MAPK7: variants seen among roughly 807,000 people sequenced by gnomAD.
MAPK7 encodes mitogen-activated protein kinase 7.
A neutral mutation model predicts 56.9 loss-of-function variants in MAPK7; 30 were observed. The observed-to-expected ratio is 0.53, with a 90% CI of 0.39 to 0.72. The LOEUF is 0.72. Among genes scored for constraint, MAPK7 ranks in the 30% least tolerant of loss-of-function variants. The probability of loss-of-function intolerance (pLI) is 0.00; values close to 1 mark genes in which losing one functional copy is unlikely to be tolerated. For synonymous variants in MAPK7, 516 were observed against 449.3 expected (o/e 1.15, Z -1.88); for missense variants, 952 against 1,110.8 (o/e 0.86, Z 2.03).
In MAPK7 at chr17:19,379,121, G is replaced by A. The variant is rs1388005122; in HGVS notation, c.221G>A (p.Arg74His). The A allele has an allele frequency of 9.3e-6, 15 of 1,612,430 alleles. No individual in the cohort carries two copies. Among genetic ancestry groups the A allele is most frequent in the Non-Finnish European group, 1.3e-5 (15 of 1,179,678 alleles). The change falls in exon 2 of 7, where the codon CGC becomes CAC. Residue 74 changes from arginine to histidine, a missense_variant. Arg to His is a conservative substitution (Grantham distance 29, BLOSUM62 0). Coordinates refer to ENST00000395604, the MANE Select transcript of MAPK7 (RefSeq NM_002749.4). The part of the protein sequence containing the change: ...GAYGVVSSAR[R>H]RLTGQQVAIK... ...TATGGAGTGGTGTCCTCCGCCCGCCGCCGCCTCACCGGTGAGCTTCCTGAG... is the reference window on the plus strand; with the variant it reads ...TATGGAGTGGTGTCCTCCGCCCGCCACCGCCTCACCGGTGAGCTTCCTGAG...
Position 19,381,490 on chromosome 17 carries a change from G to A in MAPK7, c.1281G>A (p.Gly427=). 1.2e-6 allele frequency: 2 copies of A among 1,613,956 alleles called. No homozygotes were observed. The highest frequency in any genetic ancestry group is 2.2e-5 in the South Asian group (2 of 91,070). Residue 427 remains glycine, a synonymous_variant, in exon 4 of 7, where the codon GGG becomes GGA. Coordinates refer to ENST00000395604, the MANE Select transcript of MAPK7 (RefSeq NM_002749.4). This position sits in a 1 kb window ranked among gnomAD's most constrained non-coding sequence, Gnocchi z 4.6. ...TGCCCAGTCCCTGGGCTCCCAGTGG[G>A]GACTGTGCCATGGAGTCTCCACCAC... ...VEMPSPWAPS[G]DCAMESPPPA...
At chr17:19,379,368 G>A (rs144978311) in intron 2 of MAPK7, 2 of 589,768 alleles carry the variant, frequency 3.4e-6, no homozygotes, top group African/African-American at 3.7e-5. Flanking sequence ...GATAGTCCCA[G>A]TTAGACCAGA....
chr17:19,380,582 G>A, intron 3 of MAPK7, 26 bp from the exon 4 acceptor site: 2 of 1,570,078 alleles, frequency 1.3e-6, no homozygotes, highest in South Asian at 2.4e-5. Flanking sequence ...GCCAACCCAT[G>A]CTTCTCTCCT....
At position 19,381,405 on chromosome 17, in the gene MAPK7, T is replaced by A. The variant is rs1456499023; in HGVS notation, c.1196T>A (p.Ile399Asn). Residue 399 changes from isoleucine to asparagine, a missense_variant, in exon 4 of 7, where the codon ATC (isoleucine) becomes AAC (asparagine). Coordinates refer to ENST00000395604, the MANE Select transcript of MAPK7 (RefSeq NM_002749.4). The surrounding 1 kb of genome is among the most constrained non-coding windows in gnomAD (Gnocchi z 4.6). ...HARREGIRQQIRFQPSLQPVA... is the reference protein window; with the variant it reads ...HARREGIRQQNRFQPSLQPVA... ...AGGCGTGAGGGCATCCGCCAACAGATCCGCTTCCAGCCTTCTCTACAGCCT... is the reference window on the plus strand; with the variant it reads ...AGGCGTGAGGGCATCCGCCAACAGAACCGCTTCCAGCCTTCTCTACAGCCT... The A allele has an allele frequency of 6.2e-7, 1 of 1,614,160 alleles. No individual in the cohort carries two copies. The highest frequency in any genetic ancestry group is 1.1e-5 in the South Asian group (1 of 91,090).
rs1229453992 is a variant in MAPK7 at position 19,379,071 on chromosome 17, C to T, written c.171C>T (p.Ile57=). 3 of 1,614,126 alleles carry T rather than the reference C, an allele frequency of 1.9e-6. No homozygotes were observed. Among genetic ancestry groups the T allele is most frequent in the South Asian group, 1.1e-5 (1 of 91,080 alleles). The change falls in exon 2 of 7, where the codon ATC becomes ATT. Residue 57 remains isoleucine (I), a synonymous_variant. Transcript: ENST00000395604. The stretch of plus-strand genomic sequence containing the variant: ...TTGACGTGGGCGACGAGTACGAGAT[C>T]ATCGAGACCATAGGCAACGGGGCCT... ...VTFDVGDEYE[I]IETIGNGAYG... is the part of the protein sequence containing the mutation.
intron 3 of MAPK7, chr17:19,380,208 T>TA: frequency 3.7e-6 from 2 of 536,130 alleles, no homozygotes; most frequent in Non-Finnish European, 3.3e-6. Context: ...CACACCCTCC[T>TA]ATTCCCATAG....
rs1024668610 is a variant in MAPK7, at chr17:19,383,140, T to C, written c.2360T>C (p.Met787Thr). 2 of 1,614,086 alleles carry C rather than the reference T, an allele frequency of 1.2e-6. No individual in the cohort carries two copies. The highest frequency in any genetic ancestry group is 2.7e-5 in the African/African-American group (2 of 75,030). Residue 787 changes from methionine (M) to threonine (T), a missense_variant, in exon 7 of 7, where the codon ATG (methionine) becomes ACG (threonine). Met to Thr is a moderately conservative substitution (Grantham distance 81). Coordinates refer to ENST00000395604, the MANE Select transcript of MAPK7 (RefSeq NM_002749.4). ...LLADWLEGHGMNPADIESLQR... is the reference protein window; with the variant it reads ...LLADWLEGHGTNPADIESLQR... ...GCTGACTGGCTCGAAGGCCATGGCA[T>C]GAACCCTGCCGATATTGAGTCCCTG... is the stretch of plus-strand genomic sequence containing the variant.
chr17:19,381,308 T>A lies in MAPK7; in HGVS notation c.1099T>A (p.Phe367Ile), dbSNP rs1912639348. 1.9e-6 allele frequency: 3 copies of A among 1,614,086 alleles called. No homozygotes were observed. In the East Asian group the frequency reaches 6.7e-5, roughly 36 times the overall value. Residue 367 changes from phenylalanine to isoleucine, a missense_variant, in exon 4 of 7, where the codon TTT becomes ATT. By Grantham distance (21) the Phe-to-Ile change is conservative (BLOSUM62 0). Coordinates refer to ENST00000395604, the MANE Select transcript of MAPK7 (RefSeq NM_002749.4). This position sits in a 1 kb window ranked among gnomAD's most constrained non-coding sequence, Gnocchi z 4.6. ...CTGTGCCCCGCCCTTTGACTTTGCC[T>A]TTGACCGCGAAGCCCTCACTCGGGA... ...PDCAPPFDFA[F>I]DREALTRERI...
In MAPK7 at chr17:19,381,631, T is replaced by C; in HGVS notation, c.1422T>C (p.Asn474=). 6.2e-7 allele frequency: 1 copy of C among 1,612,702 alleles called. No homozygotes were observed. The change falls in exon 4 of 7, where the codon AAT becomes AAC. Residue 474 remains asparagine, a synonymous_variant. Transcript: ENST00000395604. The surrounding 1 kb of genome is among the most constrained non-coding windows in gnomAD (Gnocchi z 4.6). Reference sequence around the variant, plus strand: ...AGAAAGATGGTGCCATCTCAGACAATACTAAGGCTGCCCTTAAAGCTGCCC... The same window carrying C: ...AGAAAGATGGTGCCATCTCAGACAACACTAAGGCTGCCCTTAAAGCTGCCC... ...PPKKDGAISD[N]TKAALKAALL...
At chr17:19,382,545 AC>A in intron 5 of MAPK7, 79 bp downstream of exon 5, 1 of 1,511,276 alleles carries the variant, frequency 6.6e-7, no homozygotes, top group Non-Finnish European at 8.8e-7. Context: ...TCAGTGTTCC[AC>A]AAAAACTGAG....
intron 2 of MAPK7, chr17:19,379,510 C>G (rs1242723138): frequency 1.8e-6 from 1 of 561,602 alleles, no homozygotes; most frequent in Non-Finnish European, 3.2e-6. Flanking sequence ...AGCTACACCA[C>G]TGGGCATCCG....
intron 5 of MAPK7, 147 bp from the exon 6 acceptor site, chr17:19,382,666 G>T (rs772674502): frequency 1.2e-5 from 17 of 1,401,406 alleles, no homozygotes; most frequent in Admixed American, 2.4e-5. Flanking sequence ...AAAGTGCCTA[G>T]CCCAGAGATG....
chr17:19,378,219 G>T, upstream of MAPK7: 2 of 985,836 alleles, frequency 2.0e-6, no homozygotes, highest in Non-Finnish European at 2.4e-6. The surrounding 1 kb of genome is among the most constrained non-coding windows in gnomAD (Gnocchi z 5.4). Flanking sequence ...ACGTGCAGGG[G>T]CGTTGCCTTC....
chr17:19,383,052 C>T, intron 6 of MAPK7, 26 bp from the exon 7 acceptor site: 1 of 1,613,216 alleles, frequency 6.2e-7, no homozygotes, highest in Non-Finnish European at 8.5e-7. Flanking sequence ...AGGCTAATAG[C>T]ACCCCTCCCT....
chr17:19,378,243 C>G, upstream of MAPK7: 1 of 985,916 alleles, frequency 1.0e-6, no homozygotes, highest in African/African-American at 1.7e-5. The surrounding 1 kb of genome is among the most constrained non-coding windows in gnomAD (Gnocchi z 5.4). Flanking sequence ...TCACTTGGCG[C>G]CCGACTGCCA....
In MAPK7 at chr17:19,381,776, C is replaced by T. The variant is rs368167597; in HGVS notation, c.1478-5C>T. 58 of 1,538,160 alleles carry T rather than the reference C, an allele frequency of 3.8e-5. No individual in the cohort carries two copies. Among genetic ancestry groups the T allele is most frequent in the Admixed American group, 6.2e-5 (3 of 48,050 alleles). ...TACCTTCTCCCCTGCCCAACTTCCC[C>T]GCAGATGGCCCCAGCGCACCCCTGG... On this transcript the variant is annotated splice_polypyrimidine_tract_variant and splice_region_variant and intron_variant, in intron 4 of 6. Transcript: ENST00000395604. The surrounding 1 kb of genome is among the most constrained non-coding windows in gnomAD (Gnocchi z 4.6).
chr17:19,378,356 G>A, upstream of MAPK7: 1 of 988,312 alleles, frequency 1.0e-6, no homozygotes, highest in Non-Finnish European at 1.2e-6. The surrounding 1 kb of genome is among the most constrained non-coding windows in gnomAD (Gnocchi z 5.4). Flanking sequence ...AGCGGCGCGC[G>A]CCAGGCGTGG....
In MAPK7 at chr17:19,381,317, G is replaced by A. The variant is rs1912641620; in HGVS notation, c.1108G>A (p.Glu370Lys). The change falls in exon 4 of 7, where the codon GAA (glutamate) becomes AAA (lysine). Residue 370 changes from glutamate (E) to lysine (K), a missense_variant. Physicochemically the swap from Glu to Lys is moderately conservative, Grantham distance 56. This residue lies in a region of MAPK7 where 429 missense variants were observed against 533.0 expected (regional missense o/e 0.80). Coordinates refer to ENST00000395604, the MANE Select transcript of MAPK7 (RefSeq NM_002749.4). This position sits in a 1 kb window ranked among gnomAD's most constrained non-coding sequence, Gnocchi z 4.6. ...APPFDFAFDR[E>K]ALTRERIKEA... ...GCCCTTTGACTTTGCCTTTGACCGC[G>A]AAGCCCTCACTCGGGAGCGCATTAA... 9 of 1,614,102 alleles carry A rather than the reference G, an allele frequency of 5.6e-6. No homozygotes were observed. The highest frequency in any genetic ancestry group is 1.3e-5 in the African/African-American group (1 of 75,068).
chr17:19,380,970 A>G lies in MAPK7; in HGVS notation c.761A>G (p.Glu254Gly). 1 of 1,614,196 alleles carries G rather than the reference A, an allele frequency of 6.2e-7. No homozygotes were observed. The highest frequency in any genetic ancestry group is 8.5e-7 in the Non-Finnish European group (1 of 1,180,046). The change falls in exon 4 of 7, where the codon GAG (glutamate) becomes GGG (glycine). Residue 254 changes from glutamate to glycine, a missense_variant. Glu to Gly is a moderately conservative substitution (Grantham distance 98). This residue lies in a region of MAPK7 where 429 missense variants were observed against 533.0 expected (regional missense o/e 0.80). Transcript: ENST00000395604. ...DLWSVGCIFG[E>G]MLARRQLFPG... The stretch of plus-strand genomic sequence containing the variant: ...TGGTCTGTGGGCTGCATCTTTGGTG[A>G]GATGCTGGCCCGGCGCCAGCTCTTC...
Sources: allele counts gnomAD v4.1 joint callset, GRCh38; gene constraint gnomAD v4.1.1; regional missense constraint gnomAD v4.1.1; non-coding constraint Gnocchi (gnomAD v3.1); transcripts MANE v1.5; gene names NCBI Gene and HGNC (gene_info 2026-07-23, HGNC 2026-07-21).